ZBTB16: variants seen among roughly 807,000 people sequenced by gnomAD.
The protein encoded by ZBTB16 is zinc finger and BTB domain-containing protein 16.
A neutral mutation model predicts 56.8 loss-of-function variants in ZBTB16; 8 were observed. The observed-to-expected ratio is 0.14, with a 90% CI of 0.08 to 0.25. The LOEUF (loss-of-function observed/expected upper bound fraction) is 0.25, where lower values mean the gene tolerates loss of function less well. Among genes scored for constraint, ZBTB16 ranks in the 10% least tolerant of loss-of-function variants. ZBTB16 has a pLI of 1.00. For synonymous variants in ZBTB16, 363 were observed against 368.5 expected (o/e 0.98, Z 0.17); for missense variants, 625 against 903.0 (o/e 0.69, Z 3.95).
In ZBTB16 at chr11:114,114,323, C is replaced by G. The variant is rs2137787171; in HGVS notation, c.1269-42014C>G. Among the ~76,000 whole-genome samples the G allele has an allele frequency of 2.0e-5, 3 of 152,216 alleles. No individual in the cohort carries two copies. In the East Asian group the frequency reaches 5.8e-4, roughly 29 times the overall value. ...TGACGGGGATGGGAGGGAAACCTGACTGGGGAGGGACCACCGGGCTTCAGT... is the reference window on the plus strand; with the variant it reads ...TGACGGGGATGGGAGGGAAACCTGAGTGGGGAGGGACCACCGGGCTTCAGT... On this transcript the variant is annotated intron_variant, in intron 2 of 6. Coordinates refer to ENST00000335953, the MANE Select transcript of ZBTB16 (RefSeq NM_006006.6).
intron 5 of ZBTB16, among the ~76,000 whole-genome samples, chr11:114,244,304 G>A (rs2515788): frequency 1.3e-5 from 2 of 151,802 alleles, no homozygotes; most frequent in African/African-American, 4.8e-5. Flanking sequence ...GGGCTGGGGT[G>A]GGGAGGACGA....
intron 3 of ZBTB16, among the ~76,000 whole-genome samples, chr11:114,186,146 G>A (rs1175875195): frequency 6.6e-6 from 1 of 152,164 alleles, no homozygotes; most frequent in African/African-American, 2.4e-5. Context: ...TACAGTTGGG[G>A]GCCCGGGTAT....
rs1565648006 is a variant in ZBTB16, at chr11:114,142,347, T to TGCAATTA, written c.1269-13990_1269-13989insGCAATTA. ...GTGCACAAGCCTTGAAATGACAAAG[T>TGCAATTA]ACCCTTTAGTTAATTGCACAACGGA... On this transcript the variant is annotated intron_variant, in intron 2 of 6. Coordinates refer to ENST00000335953, the MANE Select transcript of ZBTB16 (RefSeq NM_006006.6). Among the ~76,000 whole-genome samples the TGCAATTA allele has an allele frequency of 3.9e-5, 6 of 152,356 alleles. No individual in the cohort carries two copies. In the East Asian group the frequency reaches 9.6e-4, roughly 24 times the overall value.
intron 4 of ZBTB16, among the ~76,000 whole-genome samples, chr11:114,229,190 T>G (rs936984576): frequency 2.6e-5 from 4 of 152,228 alleles, no homozygotes; most frequent in African/African-American, 4.8e-5. Flanking sequence ...GAGTAACAAA[T>G]GGTTTGATTT....
chr11:114,168,630 C>T lies in ZBTB16; in HGVS notation c.1366+12196C>T, dbSNP rs555044711. On this transcript the variant is annotated intron_variant, in intron 3 of 6. Coordinates refer to ENST00000335953, the MANE Select transcript of ZBTB16 (RefSeq NM_006006.6). Reference sequence around the variant, plus strand: ...GCTGGACTTCAATCTCCCTCTCTTTCTCTCTCCTTCCACCCTGTGTCTTGC... The same window carrying T: ...GCTGGACTTCAATCTCCCTCTCTTTTTCTCTCCTTCCACCCTGTGTCTTGC... 2.5e-4 allele frequency among the ~76,000 whole-genome samples: 38 copies of T among 152,360 alleles called. No individual in the cohort carries two copies. In the South Asian group the frequency reaches 6.8e-3, roughly 27 times the overall value.
chr11:114,111,647 C>T (rs921072306), intron 2 of ZBTB16, among the ~76,000 whole-genome samples: 1 of 152,196 alleles, frequency 6.6e-6, no homozygotes, highest in Non-Finnish European at 1.5e-5. Flanking sequence ...CAGAGACCAC[C>T]ATGTCCTATG....
intron 2 of ZBTB16, among the ~76,000 whole-genome samples, chr11:114,107,439 T>C (rs1387685235): frequency 6.6e-6 from 1 of 152,198 alleles, no homozygotes; most frequent in African/African-American, 2.4e-5. Context: ...CTTGGTTGTC[T>C]AGAGTGAACA....
chr11:114,191,168 C>G lies in ZBTB16; in HGVS notation c.1453+4130C>G, dbSNP rs539848001. Among the ~76,000 whole-genome samples, 163 of 152,298 alleles carry G rather than the reference C, an allele frequency of 1.1e-3. 1 individual carries two copies. Among genetic ancestry groups the G allele is most frequent in the Non-Finnish European group, 1.9e-3 (129 of 68,018 alleles). ...ACCCCCATGATCCAATCACCTCCCACCAGGCCTCACCTCCAGCATTGGGGA... is the reference window on the plus strand; with the variant it reads ...ACCCCCATGATCCAATCACCTCCCAGCAGGCCTCACCTCCAGCATTGGGGA... On this transcript the variant is annotated intron_variant, in intron 4 of 6. Coordinates refer to ENST00000335953, the MANE Select transcript of ZBTB16 (RefSeq NM_006006.6).
intron 4 of ZBTB16, among the ~76,000 whole-genome samples, chr11:114,225,689 C>A (rs1944315876): frequency 6.6e-6 from 1 of 152,188 alleles, no homozygotes; most frequent in Non-Finnish European, 1.5e-5. Flanking sequence ...GCATTAAGAT[C>A]AAGTTTTCAA....
intron 2 of ZBTB16, among the ~76,000 whole-genome samples, chr11:114,104,153 T>G (rs1029687672): frequency 2.6e-5 from 4 of 152,308 alleles, no homozygotes; most frequent in African/African-American, 7.2e-5. Context: ...ATGCAGAGTT[T>G]TAGATTTTCT....
At chr11:114,074,030 C>T (rs1469136224) in intron 2 of ZBTB16, among the ~76,000 whole-genome samples, 1 of 152,204 alleles carries the variant, frequency 6.6e-6, no homozygotes, top group Non-Finnish European at 1.5e-5. Flanking sequence ...AATGACTTCA[C>T]CTCTGTGAAG....
intron 2 of ZBTB16, among the ~76,000 whole-genome samples, chr11:114,069,888 A>G (rs1939263625): frequency 6.6e-6 from 1 of 152,168 alleles, no homozygotes; most frequent in South Asian, 2.1e-4. Context: ...TGTGATAATG[A>G]AGTCTGAAAA....
chr11:114,102,815 G>A (rs1940660573), intron 2 of ZBTB16, among the ~76,000 whole-genome samples: 1 of 152,126 alleles, frequency 6.6e-6, no homozygotes, highest in South Asian at 2.1e-4. Flanking sequence ...AGCTTTTTGT[G>A]TGGCTTTCTT....
At chr11:114,114,646 G>A (rs1015865018) in intron 2 of ZBTB16, among the ~76,000 whole-genome samples, 10 of 152,066 alleles carry the variant, frequency 6.6e-5, no homozygotes, top group African/African-American at 2.2e-4. Context: ...GATTTGCATA[G>A]AGGTCCTACA....
At chr11:114,142,054 T>C (rs1489959375) in intron 2 of ZBTB16, among the ~76,000 whole-genome samples, 1 of 152,230 alleles carries the variant, frequency 6.6e-6, no homozygotes, top group Non-Finnish European at 1.5e-5. Context: ...GCTCAGGAAA[T>C]GCTTAATGAA....
intron 4 of ZBTB16, among the ~76,000 whole-genome samples, chr11:114,199,386 C>T (rs898530331): frequency 6.6e-6 from 1 of 151,326 alleles, no homozygotes; most frequent in African/African-American, 2.4e-5. Flanking sequence ...TGCCGCTGGG[C>T]CCCGGGACGG....
intron 2 of ZBTB16, among the ~76,000 whole-genome samples, chr11:114,081,572 A>G (rs142707602): frequency 1.3e-5 from 2 of 152,318 alleles, no homozygotes; most frequent in Non-Finnish European, 2.9e-5. Flanking sequence ...GTGATGAGCA[A>G]GATAGACAAG....
intron 2 of ZBTB16, among the ~76,000 whole-genome samples, chr11:114,146,211 T>C (rs1942095683): frequency 6.6e-6 from 1 of 152,026 alleles, no homozygotes; most frequent in Non-Finnish European, 1.5e-5. Context: ...CATCATTCAA[T>C]TTACTTTTTT....
chr11:114,168,128 G>T (rs1942844608), intron 3 of ZBTB16, among the ~76,000 whole-genome samples: 1 of 152,180 alleles, frequency 6.6e-6, no homozygotes, highest in Non-Finnish European at 1.5e-5. Flanking sequence ...ATTTATTTGT[G>T]TCCCCTATAC....
Sources: allele counts gnomAD v4.1 joint callset (sites outside exome capture counted in the v4.1 genomes callset), GRCh38; gene constraint gnomAD v4.1.1; transcripts MANE v1.5; gene names NCBI Gene and HGNC (gene_info 2026-07-23, HGNC 2026-07-21).